MYL4: variants seen among roughly 807,000 people sequenced by gnomAD.
MYL4 encodes the protein atrial myosin light chain 1.
Under a neutral mutation model 21.6 loss-of-function variants are expected in MYL4, and 16 were observed. The observed-to-expected ratio is 0.74, with a 90% CI of 0.50 to 1.12. MYL4 has a LOEUF of 1.12. Among genes scored for constraint, MYL4 ranks in the 50% most tolerant of loss-of-function variants. The pLI, the probability that MYL4 is intolerant of heterozygous loss-of-function variation, is 0.00. For synonymous variants in MYL4, 82 were observed against 95.7 expected (o/e 0.86, Z 0.83); for missense variants, 249 against 252.9 (o/e 0.98, Z 0.11).
intron 1 of MYL4, among the ~76,000 whole-genome samples, chr17:47,202,201 G>A (rs1307544973): frequency 6.6e-6 from 1 of 152,166 alleles, no homozygotes; most frequent in Non-Finnish European, 1.5e-5. Context: ...GGCCAGGCTG[G>A]TCTCAAACTC....
intron 1 of MYL4, among the ~76,000 whole-genome samples, chr17:47,201,753 G>T (rs992420433): frequency 3.3e-5 from 5 of 152,106 alleles, no homozygotes; most frequent in African/African-American, 1.2e-4. Flanking sequence ...ACTGCACCTG[G>T]CCGGATTACT....
intron 3 of MYL4, among the ~76,000 whole-genome samples, chr17:47,220,285 T>C (rs909834154): frequency 6.6e-6 from 1 of 152,338 alleles, no homozygotes; most frequent in African/African-American, 2.4e-5. Flanking sequence ...CCTCACGAGG[T>C]TGGGAGCTCC....
chr17:47,203,099 C>A (rs937267124), intron 1 of MYL4, among the ~76,000 whole-genome samples: 2 of 152,128 alleles, frequency 1.3e-5, no homozygotes, highest in African/African-American at 4.8e-5. Context: ...TACAGGCATG[C>A]ACTGCCATGC....
chr17:47,196,063 A>G (rs1396248560), upstream of MYL4, among the ~76,000 whole-genome samples: 2 of 152,212 alleles, frequency 1.3e-5, no homozygotes, highest in Non-Finnish European at 2.9e-5. Context: ...GACTGGTTGC[A>G]TCTCCTCAAA....
chr17:47,201,189 A>T (rs183082592), intron 1 of MYL4, among the ~76,000 whole-genome samples: 1 of 152,194 alleles, frequency 6.6e-6, no homozygotes, highest in African/African-American at 2.4e-5. Context: ...TAAGTAAAAA[A>T]TAAAGTGTTG....
exon 1 of MYL4, chr17:47,200,495 T>C (rs556267615): frequency 6.6e-6 from 1 of 152,362 alleles, no homozygotes; most frequent in South Asian, 2.1e-4. Flanking sequence ...CATAACTCAG[T>C]GTGACGTTGG....
intron 4 of MYL4, 88 bp from the exon 5 acceptor site, chr17:47,222,292 C>A: frequency 7.7e-7 from 1 of 1,297,372 alleles, no homozygotes; most frequent in Non-Finnish European, 1.1e-6. Context: ...AGTCTTGGAC[C>A]TTCACACTTA....
the MYL4 span, among the ~76,000 whole-genome samples, chr17:47,193,560 G>A: frequency 1.3e-4 from 19 of 151,932 alleles, no homozygotes; most frequent in South Asian, 2.5e-3. Flanking sequence ...GAGCCACTGC[G>A]CCTGGCCTAC....
chr17:47,209,338 C>T, upstream of MYL4: 1 of 1,587,090 alleles, frequency 6.3e-7, no homozygotes, highest in South Asian at 1.1e-5. Context: ...GGGAGGCAGC[C>T]CAGGCTCCTA....
upstream of MYL4, among the ~76,000 whole-genome samples, chr17:47,206,741 T>A (rs2064729699): frequency 1.3e-5 from 2 of 152,154 alleles, no homozygotes; most frequent in African/African-American, 4.8e-5. Flanking sequence ...TTTTTCCTTT[T>A]AAAATAAGCA....
the MYL4 span, among the ~76,000 whole-genome samples, chr17:47,190,770 ATTTAAAG>A: frequency 7.2e-5 from 11 of 152,234 alleles, no homozygotes; most frequent in Non-Finnish European, 1.3e-4. Flanking sequence ...GCCATTAGCT[ATTTAAAG>A]TTTAAGTTAA....
chr17:47,198,765 C>T (rs904722532), upstream of MYL4, among the ~76,000 whole-genome samples: 21 of 151,470 alleles, frequency 1.4e-4, no homozygotes, highest in Admixed American at 1.3e-4. Flanking sequence ...GAGGATCACT[C>T]GAGGCCAGGA....
At chr17:47,190,850 GTA>G in the MYL4 span, among the ~76,000 whole-genome samples, 1 of 152,220 alleles carries the variant, frequency 6.6e-6, no homozygotes, top group Non-Finnish European at 1.5e-5. Flanking sequence ...CAGTAGCCCT[GTA>G]TGTGGCTAGT....
the MYL4 span, among the ~76,000 whole-genome samples, chr17:47,191,595 C>T: frequency 2.0e-5 from 3 of 152,086 alleles, no homozygotes; most frequent in Non-Finnish European, 4.4e-5. Context: ...CTCAACGTCC[C>T]GAGTAGCTGG....
At chr17:47,224,989 G>A (rs1254468778), downstream of MYL4, among the ~76,000 whole-genome samples, 1 of 152,124 alleles carries the variant, frequency 6.6e-6, no homozygotes, top group Non-Finnish European at 1.5e-5. Context: ...ATGTATATGA[G>A]TAGAAATATT....
At chr17:47,195,634 C>T (rs1424933906), upstream of MYL4, among the ~76,000 whole-genome samples, 1 of 152,206 alleles carries the variant, frequency 6.6e-6, no homozygotes, top group Non-Finnish European at 1.5e-5. Context: ...CACCCACTCT[C>T]TTGCCTCACA....
At chr17:47,195,029 C>T in the MYL4 span, among the ~76,000 whole-genome samples, 2 of 150,874 alleles carry the variant, frequency 1.3e-5, no homozygotes, top group Admixed American at 1.3e-4. Context: ...GCGTGAGCCA[C>T]GGTGCCCAGC....
upstream of MYL4, among the ~76,000 whole-genome samples, chr17:47,205,442 C>T (rs2064723845): frequency 6.6e-6 from 1 of 152,182 alleles, no homozygotes; most frequent in African/African-American, 2.4e-5. Flanking sequence ...AAGTTACTGG[C>T]CATGAAACAG....
At chr17:47,219,875 G>A (rs2149047311) in intron 2 of MYL4, 29 bp from the exon 3 acceptor site, 1 of 1,614,180 alleles carries the variant, frequency 6.2e-7, no homozygotes. Context: ...CTGGGGATTG[G>A]AAGGTATAGC....
Sources: allele counts gnomAD v4.1 joint callset (sites outside exome capture counted in the v4.1 genomes callset), GRCh38; gene constraint gnomAD v4.1.1; transcripts MANE v1.5; gene names NCBI Gene and HGNC (gene_info 2026-07-23, HGNC 2026-07-21).